TMEM117: variants seen among roughly 807,000 people sequenced by gnomAD.
TMEM117 encodes the protein transmembrane protein 117.
A neutral mutation model predicts 52.4 loss-of-function variants in TMEM117; 27 were observed. The ratio of observed to expected loss-of-function variants is 0.51; its 90% CI spans 0.38 to 0.71. The LOEUF (loss-of-function observed/expected upper bound fraction) is 0.71. Ranked by LOEUF, TMEM117 falls within the 30% of genes least tolerant of loss-of-function variation. The pLI is 0.00. For missense variants in TMEM117, 556 were observed against 630.5 expected (o/e 0.88, Z 1.26); for synonymous variants, 215 against 206.3 (o/e 1.04, Z -0.36).
the TMEM117 span, chr12:43,797,414 G>A: frequency 6.3e-7 from 1 of 1,597,998 alleles, no homozygotes; most frequent in Non-Finnish European, 8.5e-7. Flanking sequence ...TATTTGTTGT[G>A]TTGGCCAAAA....
At chr12:44,076,738 T>C (rs1254468059) in intron 3 of TMEM117, among the ~76,000 whole-genome samples, 3 of 152,182 alleles carry the variant, frequency 2.0e-5, no homozygotes, top group African/African-American at 7.2e-5. Context: ...CCCTTAGTCG[T>C]TGAACTTTAC....
chr12:43,848,247 A>G (rs1254234893), intron 2 of TMEM117, among the ~76,000 whole-genome samples: 1 of 152,150 alleles, frequency 6.6e-6, no homozygotes, highest in Non-Finnish European at 1.5e-5. Context: ...AACAGAAAAC[A>G]GCATTTGAGA....
At chr12:44,107,222 C>T (rs1263450111) in intron 3 of TMEM117, among the ~76,000 whole-genome samples, 1 of 152,050 alleles carries the variant, frequency 6.6e-6, no homozygotes, top group Non-Finnish European at 1.5e-5. Flanking sequence ...TTAACTTTCT[C>T]TTATTTCCCA....
At chr12:43,999,626 C>T (rs760581035) in intron 3 of TMEM117, among the ~76,000 whole-genome samples, 23 of 151,984 alleles carry the variant, frequency 1.5e-4, no homozygotes, top group Non-Finnish European at 2.5e-4. Context: ...TACAGGCACA[C>T]GCCACCACAG....
At chr12:44,336,143 A>G (rs1951337896) in intron 6 of TMEM117, among the ~76,000 whole-genome samples, 1 of 151,972 alleles carries the variant, frequency 6.6e-6, no homozygotes. Flanking sequence ...GCTGTATAGT[A>G]TTGTGTTTAA....
chr12:44,243,782 C>T (rs1048990089), intron 5 of TMEM117, among the ~76,000 whole-genome samples: 3 of 151,644 alleles, frequency 2.0e-5, no homozygotes, highest in Non-Finnish European at 4.4e-5. Flanking sequence ...TCCCCATCCA[C>T]CCCCCACCCT....
chr12:44,269,192 C>T (rs758446749), intron 5 of TMEM117, among the ~76,000 whole-genome samples: 31 of 151,954 alleles, frequency 2.0e-4, no homozygotes, highest in Non-Finnish European at 7.4e-5. Flanking sequence ...AATTTTATTA[C>T]TCTAAAAGTA....
intron 2 of TMEM117, among the ~76,000 whole-genome samples, chr12:43,862,621 T>C (rs141740965): frequency 3.5e-4 from 54 of 152,310 alleles, no homozygotes; most frequent in African/African-American, 1.3e-3. Context: ...TTCTAGCTAG[T>C]GATATAGTCT....
At chr12:44,083,834 G>A (rs548464475) in intron 3 of TMEM117, among the ~76,000 whole-genome samples, 1 of 151,976 alleles carries the variant, frequency 6.6e-6, no homozygotes, top group African/African-American at 2.4e-5. Context: ...TTTTGTGTGT[G>A]AAATATTGTT....
the TMEM117 span, among the ~76,000 whole-genome samples, chr12:43,820,629 A>G: frequency 6.7e-6 from 1 of 150,110 alleles, no homozygotes; most frequent in Admixed American, 6.6e-5. Flanking sequence ...GTAGAAAAAT[A>G]TGTAGCAAGC....
At position 44,010,214 on chromosome 12, in the gene TMEM117, G is replaced by A. The variant is rs543881501; in HGVS notation, c.410+65872G>A. Reference sequence around the variant, plus strand: ...CCTGGGGCCACCTCTGACAAATGAGGGTGCATCAGGTTTGGTACAATATCA... The same window carrying A: ...CCTGGGGCCACCTCTGACAAATGAGAGTGCATCAGGTTTGGTACAATATCA... On this transcript the variant is annotated intron_variant, in intron 3 of 7. Transcript: ENST00000266534. 4 of 493,600 alleles carry A rather than the reference G, an allele frequency of 8.1e-6. No individual in the cohort carries two copies. In the Admixed American group the frequency reaches 8.6e-5, roughly 11 times the overall value. The allele number at this position is 493,600 out of a possible 1,614,324, so 30.6% of individuals were successfully genotyped here. A position where few individuals can be genotyped will look rare whatever the true frequency, so the allele number is the denominator to read the frequency against.
intron 2 of TMEM117, among the ~76,000 whole-genome samples, chr12:43,937,459 T>C (rs1944969755): frequency 6.6e-6 from 1 of 152,212 alleles, no homozygotes; most frequent in African/African-American, 2.4e-5. Context: ...ACTGTAGCTG[T>C]ACATCAGAGT....
At chr12:43,970,725 ATTGGT>A (rs1565775130) in intron 3 of TMEM117, among the ~76,000 whole-genome samples, 23 of 152,214 alleles carry the variant, frequency 1.5e-4, no homozygotes, top group African/African-American at 5.3e-4. Flanking sequence ...TCGGGCGTCC[ATTGGT>A]GGACAAGAGG....
At chr12:44,299,082 A>G (rs1368177512) in intron 5 of TMEM117, among the ~76,000 whole-genome samples, 2 of 149,106 alleles carry the variant, frequency 1.3e-5, no homozygotes, top group Non-Finnish European at 3.0e-5. Context: ...CATAATTATT[A>G]TCTTAATGTT....
chr12:44,372,237 G>A (rs528907749), intron 6 of TMEM117, among the ~76,000 whole-genome samples: 1 of 152,246 alleles, frequency 6.6e-6, no homozygotes, highest in South Asian at 2.1e-4. Flanking sequence ...ACAATCCCAG[G>A]ATTAGCCTCT....
chr12:43,928,972 A>G (rs1737522831), intron 2 of TMEM117, among the ~76,000 whole-genome samples: 4 of 151,400 alleles, frequency 2.6e-5, no homozygotes, highest in Admixed American at 2.6e-4. Context: ...TATGTGCCAC[A>G]TTTTCTTAAT....
chr12:44,266,465 G>A (rs1350054833), intron 5 of TMEM117, among the ~76,000 whole-genome samples: 1 of 151,848 alleles, frequency 6.6e-6, no homozygotes, highest in Non-Finnish European at 1.5e-5. Context: ...TTTTAAATTG[G>A]GTTATTTGTC....
chr12:43,847,047 G>C (rs1943222610), intron 2 of TMEM117, among the ~76,000 whole-genome samples: 1 of 152,200 alleles, frequency 6.6e-6, no homozygotes, highest in Admixed American at 6.5e-5. Flanking sequence ...AAGAAATGGA[G>C]AAGTGCTAAA....
chr12:43,806,246 G>A, the TMEM117 span: 13 of 1,527,046 alleles, frequency 8.5e-6, no homozygotes, highest in South Asian at 3.6e-5. Context: ...GGTGGGACAT[G>A]GCGGCGGCCG....
Sources: allele counts gnomAD v4.1 joint callset (sites outside exome capture counted in the v4.1 genomes callset), GRCh38; gene constraint gnomAD v4.1.1; transcripts MANE v1.5; gene names NCBI Gene and HGNC (gene_info 2026-07-23, HGNC 2026-07-21).